The following PKP3 variants were observed in gnomAD, a reference collection of about 807,000 sequenced individuals.
The protein encoded by PKP3 is plakophilin 3, also known as plakophilin-3.
Under a neutral mutation model 76.5 loss-of-function variants are expected in PKP3, and 66 were observed. That is an observed-to-expected ratio of 0.86 (90% confidence interval 0.71 to 1.06). The LOEUF is 1.06. PKP3 is among the 50% of genes least tolerant of loss of function. The pLI, the probability that PKP3 is intolerant of heterozygous loss-of-function variation, is 0.00. For missense variants in PKP3, 1,338 were observed against 1,141.0 expected, an observed-to-expected ratio of 1.17 and a Z score of -2.49; for synonymous variants, 638 against 516.5, an observed-to-expected ratio of 1.24 and a Z score of -3.19.
At chr11:393,271 G>A (rs1037680070), upstream of PKP3, among the ~76,000 whole-genome samples, 3 of 147,938 alleles carry the variant, frequency 2.0e-5, no homozygotes, top group Admixed American at 6.7e-5. Flanking sequence ...CCCCACCCTC[G>A]CTCCCTCTCC....
chr11:400,076 T>A lies in PKP3; in HGVS notation c.1383T>A (p.Gly461=). The A allele has an allele frequency of 1.3e-6, 2 of 1,595,250 alleles. No individual in the cohort carries two copies. The highest frequency in any genetic ancestry group is 1.7e-6 in the Non-Finnish European group (2 of 1,172,882). Residue 461 remains glycine (G), a synonymous_variant, in exon 6 of 13, where the codon GGT becomes GGA. Coordinates refer to ENST00000331563, the MANE Select transcript of PKP3 (RefSeq NM_007183.4). ...TGAGCCCCCTGTCGGGGGCTGGGGG[T>A]CCCCCCCTCATCCAGCAGAACGCCT... is the stretch of plus-strand genomic sequence containing the variant. ...LVLSPLSGAG[G]PPLIQQNASE... is the part of the protein sequence containing the mutation.
intron 5 of PKP3, 144 bp downstream of exon 5, chr11:399,340 C>G: frequency 3.5e-6 from 1 of 283,908 alleles, no homozygotes; most frequent in African/African-American, 5.9e-5. Flanking sequence ...ACCTGCCCCC[C>G]TACTCCTCCT....
At chr11:395,614 G>A (rs1462020903) in intron 1 of PKP3, among the ~76,000 whole-genome samples, 1 of 152,200 alleles carries the variant, frequency 6.6e-6, no homozygotes, top group Non-Finnish European at 1.5e-5. Context: ...CTCCGGGCTG[G>A]GCCTCACGAG....
upstream of PKP3, among the ~76,000 whole-genome samples, chr11:393,282 A>C: frequency 1.4e-5 from 2 of 140,904 alleles, no homozygotes; most frequent in South Asian, 2.3e-4. Flanking sequence ...CTCCCTCTCC[A>C]TCCAGGCCTC....
In PKP3 at chr11:403,790, C is replaced by G. The variant is rs199545561; in HGVS notation, c.2077+19C>G. On this transcript the variant is annotated intron_variant, in intron 10 of 12. Coordinates refer to ENST00000331563, the MANE Select transcript of PKP3 (RefSeq NM_007183.4). ...GAGATGTGTGAGTCGGGCAGCCCCT[C>G]GTCCCTGCCCTGCTGGACCCACATG... 5 of 1,603,414 alleles carry G rather than the reference C, an allele frequency of 3.1e-6. No individual in the cohort carries two copies. The highest frequency in any genetic ancestry group is 3.4e-6 in the Non-Finnish European group (4 of 1,179,432).
chr11:394,132 G>A (rs1590350766), upstream of PKP3: 15 of 1,168,080 alleles, frequency 1.3e-5, no homozygotes, highest in African/African-American at 1.6e-5. Flanking sequence ...AGGTGTCCCC[G>A]CCCCCAGCTG....
chr11:403,558 AC>A, intron 9 of PKP3, 59 bp from the exon 10 acceptor site: 3 of 1,521,362 alleles, frequency 2.0e-6, no homozygotes, highest in Non-Finnish European at 1.8e-6. Context: ...TTGTGGCAGG[AC>A]CCCCTCAGGT....
In PKP3 at chr11:394,500, G is replaced by T. The variant is rs749615293; in HGVS notation, c.208G>T (p.Glu70Ter). The change falls in exon 1 of 13, where the codon GAG (glutamate) becomes TAG (stop). Residue 70 changes from glutamate (E) to a stop codon, truncating the protein, a stop_gained. Coordinates refer to ENST00000331563, the MANE Select transcript of PKP3 (RefSeq NM_007183.4). LOFTEE classifies it high-confidence loss of function. ...GCGGCACAACGGGGCCGCTGAGCCC[G>T]AGCCTGAGGCCGAGACTGCCAGAGG... Reference protein sequence around the residue: ...QPRHNGAAEPEPEAETARGTS... With the variant: ...QPRHNGAAEP The T allele has an allele frequency of 1.0e-5, 14 of 1,396,768 alleles. No homozygotes were observed. Among genetic ancestry groups the T allele is most frequent in the Non-Finnish European group, 1.3e-5 (14 of 1,083,446 alleles). The allele number at this position is 1,396,768 out of a possible 1,614,324, so 86.5% of individuals were successfully genotyped here. A position where few individuals can be genotyped will look rare whatever the true frequency, so the allele number is the denominator to read the frequency against.
rs746667751 is a variant in PKP3, at chr11:396,799, C to G, written c.313-15C>G. 1.8e-5 allele frequency: 29 copies of G among 1,570,816 alleles called. No homozygotes were observed. The highest frequency in any genetic ancestry group is 5.9e-5 in the South Asian group (5 of 85,318). On this transcript the variant is annotated splice_polypyrimidine_tract_variant and intron_variant, in intron 2 of 12. Coordinates refer to ENST00000331563, the MANE Select transcript of PKP3 (RefSeq NM_007183.4). ...GAGCCCAGGCACGCCCTCACCGCCC[C>G]CTCTCGACCCACAGGGCTTCCGGCC... is the stretch of plus-strand genomic sequence containing the variant.
At chr11:403,839 C>T in intron 10 of PKP3, 68 bp downstream of exon 10, 1 of 1,586,244 alleles carries the variant, frequency 6.3e-7, no homozygotes, top group South Asian at 1.1e-5. Context: ...TAAGTGTGGG[C>T]TTCAGACCAC....
upstream of PKP3, chr11:392,833 C>A: frequency 2.3e-6 from 1 of 436,088 alleles, no homozygotes; most frequent in South Asian, 1.7e-5. Flanking sequence ...CCGACTCCTA[C>A]TCTCCAGCTT....
In PKP3 at chr11:398,921, A is replaced by C. The variant is rs1847099809; in HGVS notation, c.1069-71A>C. On this transcript the variant is annotated intron_variant, in intron 4 of 12. Transcript: ENST00000331563. ...TATCTACATCTACGCACCTGGACAC[A>C]GCTGCACACAGGTGCATAGTCTGCA... 5 of 1,208,194 alleles carry C rather than the reference A, an allele frequency of 4.1e-6. No individual in the cohort carries two copies. The African/African-American group carries it at 6.1e-5, about 15-fold the overall frequency. The allele number at this position is 1,208,194 out of a possible 1,614,324, so 74.8% of individuals were successfully genotyped here.
In PKP3 at chr11:400,721, A is replaced by T. The variant is rs1316085182; in HGVS notation, c.1737+16A>T. 1 of 1,224,318 alleles carries T rather than the reference A, an allele frequency of 8.2e-7. No individual in the cohort carries two copies. The highest frequency in any genetic ancestry group is 1.0e-6 in the Non-Finnish European group (1 of 977,496). The allele number at this position is 1,224,318 out of a possible 1,614,324, so 75.8% of individuals were successfully genotyped here. ...GCTGCGCGAGGTGGGCACCAGCCTG[A>T]GCGGGGCGTGGGGTGGGTGCTGCGA... On this transcript the variant is annotated intron_variant, in intron 8 of 12. Transcript: ENST00000331563.
chr11:397,212 T>G lies in PKP3; in HGVS notation c.711T>G (p.Val237=). The G allele has an allele frequency of 6.3e-7, 1 of 1,598,916 alleles. No individual in the cohort carries two copies. The highest frequency in any genetic ancestry group is 1.1e-5 in the South Asian group (1 of 90,950). Residue 237 remains valine (V), a synonymous_variant, in exon 3 of 13, where the codon GTT becomes GTG. Transcript: ENST00000331563. The part of the protein sequence containing the change: ...GGLDWPEATE[V]SPSRTIRAPA... ...TGGACTGGCCCGAGGCCACTGAGGT[T>G]TCCCCGAGCCGGACCATCCGTGCCC...
Position 403,769 on chromosome 11 carries a change from T to C in PKP3, c.2075T>C (p.Met692Thr). The change falls in exon 10 of 13, where the codon ATG (methionine) becomes ACG (threonine). Residue 692 changes from methionine (M) to threonine (T), a missense_variant and splice_region_variant. Coordinates refer to ENST00000331563, the MANE Select transcript of PKP3 (RefSeq NM_007183.4). ...LSRNARNKDE[M>T]STKVVSHLIE... ...CGGAACGCTAGGAACAAGGACGAGA[T>C]GTGTGAGTCGGGCAGCCCCTCGTCC... The C allele has an allele frequency of 6.2e-7, 1 of 1,605,914 alleles. No homozygotes were observed. The highest frequency in any genetic ancestry group is 8.5e-7 in the Non-Finnish European group (1 of 1,179,806).
At position 396,673 on chromosome 11, in the gene PKP3, G is replaced by C; in HGVS notation, c.298G>C (p.Gly100Arg). The change falls in exon 2 of 13, where the codon GGG (glycine) becomes CGG (arginine). Residue 100 changes from glycine (G) to arginine (R), a missense_variant. Physicochemically the swap from Gly to Arg is moderately radical, Grantham distance 125 (BLOSUM62 -2). Coordinates refer to ENST00000331563, the MANE Select transcript of PKP3 (RefSeq NM_007183.4). The stretch of plus-strand genomic sequence containing the variant: ...CAGCTCTCGCTCTCAGGGCCTGAGT[G>C]GGGACAAGACCTCGGTGAGCGATGG... ...GFSSRSQGLSGDKTSGFRPIA... is the reference protein window; with the variant it reads ...GFSSRSQGLSRDKTSGFRPIA... 1 of 1,610,972 alleles carries C rather than the reference G, an allele frequency of 6.2e-7. No individual in the cohort carries two copies. Among genetic ancestry groups the C allele is most frequent in the Non-Finnish European group, 8.5e-7 (1 of 1,178,976 alleles).
intron 8 of PKP3, 78 bp downstream of exon 8, chr11:400,783 C>T (rs1431868228): frequency 3.7e-5 from 26 of 701,818 alleles, no homozygotes; most frequent in African/African-American, 3.4e-4. Context: ...CTCACCCCCG[C>T]CCCGCTCACC....
chr11:398,026 C>A (rs1311876730), intron 4 of PKP3, among the ~76,000 whole-genome samples: 1 of 107,646 alleles, frequency 9.3e-6, no homozygotes, highest in Non-Finnish European at 1.8e-5. Context: ...CACACACCTG[C>A]GTCACCTCCG....
In PKP3 at chr11:397,383, G is replaced by T; in HGVS notation, c.882G>T (p.Leu294=). 1 of 1,609,782 alleles carries T rather than the reference G, an allele frequency of 6.2e-7. No individual in the cohort carries two copies. Among genetic ancestry groups the T allele is most frequent in the South Asian group, 1.1e-5 (1 of 90,842 alleles). ...TCAGCCTGGCTGACTCGGGCCACCT[G>T]CCGGACGTGCATGGGTTCAACAGCT... ...LSLSLADSGH[L]PDVHGFNSYG... Residue 294 remains leucine (L), a synonymous_variant, in exon 3 of 13, where the codon CTG becomes CTT. Coordinates refer to ENST00000331563, the MANE Select transcript of PKP3 (RefSeq NM_007183.4).
Sources: gnomAD v4.1 joint callset for allele counts (sites outside exome capture counted in the v4.1 genomes callset) on GRCh38, gnomAD v4.1.1 for gene constraint, MANE v1.5 for transcripts, NCBI Gene and HGNC (gene_info 2026-07-23, HGNC 2026-07-21) for gene names.